The following VWA5B2 variants were observed in gnomAD, a reference collection of about 807,000 sequenced individuals.
VWA5B2 encodes the protein von Willebrand factor A domain-containing protein 5B2.
VWA5B2 carries 93 observed loss-of-function variants against 118.5 expected under a neutral mutation model. That is an observed-to-expected ratio of 0.79 (90% CI 0.66 to 0.93). VWA5B2 has a LOEUF of 0.93. Among genes scored for constraint, VWA5B2 ranks in the 40% least tolerant of loss-of-function variants. The probability of loss-of-function intolerance (pLI) is 0.00; values close to 1 mark genes in which losing one functional copy is unlikely to be tolerated. For missense variants in VWA5B2, 1,546 were observed against 1,672.8 expected, an observed-to-expected ratio of 0.92 and a Z score of 1.32; for synonymous variants, 708 against 716.3, an observed-to-expected ratio of 0.99 and a Z score of 0.19.
intron 3 of VWA5B2, among the ~76,000 whole-genome samples, chr3:184,232,348 A>T (rs1319683991): frequency 6.6e-6 from 1 of 152,220 alleles, no homozygotes; most frequent in Non-Finnish European, 1.5e-5. Flanking sequence ...CACCGAGCTG[A>T]TATTTAAAAC....
rs766931453 is a variant in VWA5B2 at position 184,239,329 on chromosome 3, C to T, written c.2203-65C>T. 1.8e-5 allele frequency: 25 copies of T among 1,427,828 alleles called. No individual in the cohort carries two copies. The highest frequency in any genetic ancestry group is 1.6e-4 in the South Asian group (11 of 67,848). 88.4% of individuals were successfully genotyped at this position (1,427,828 alleles called of 1,614,324 possible). A position where few individuals can be genotyped will look rare whatever the true frequency, so the allele number is the denominator to read the frequency against. Reference sequence around the variant, plus strand: ...AGAAAAGGGGCATGGGCCAGCTGTGCACCCATGTATGATGGTCAAGGGTTC... The same window carrying T: ...AGAAAAGGGGCATGGGCCAGCTGTGTACCCATGTATGATGGTCAAGGGTTC... On this transcript the variant is annotated intron_variant, in intron 14 of 19. Coordinates refer to ENST00000691901, the MANE Select transcript of VWA5B2 (RefSeq NM_001390846.1). This position sits in a 1 kb window ranked among gnomAD's most constrained non-coding sequence, Gnocchi z 5.1.
chr3:184,236,594 C>G, intron 10 of VWA5B2, 43 bp downstream of exon 10: 1 of 1,547,016 alleles, frequency 6.5e-7, no homozygotes, highest in Non-Finnish European at 8.7e-7. Context: ...TGAGCCCCCA[C>G]AAGGGGCTCC....
Position 184,238,067 on chromosome 3 carries a change from A to G in VWA5B2, c.1720-236A>G, listed in dbSNP as rs1718186201. Among the ~76,000 whole-genome samples the G allele has an allele frequency of 6.6e-6, 1 of 151,988 alleles. No individual in the cohort carries two copies. The highest frequency in any genetic ancestry group is 1.5e-5 in the Non-Finnish European group (1 of 68,022). ...CCTTTTTGATCATGAGAGCTGCATA[A>G]CAGACTTTTTTTTTTGCCTGGCTGC... is the stretch of plus-strand genomic sequence containing the variant. On this transcript the variant is annotated intron_variant, in intron 12 of 19. Coordinates refer to ENST00000691901, the MANE Select transcript of VWA5B2 (RefSeq NM_001390846.1). The surrounding 1 kb of genome is among the most constrained non-coding windows in gnomAD (Gnocchi z 5.0).
intron 5 of VWA5B2, 132 bp from the exon 6 acceptor site, chr3:184,234,134 C>T: frequency 8.4e-7 from 1 of 1,191,938 alleles, no homozygotes; most frequent in East Asian, 2.6e-5. Flanking sequence ...GGCACATCCT[C>T]CCTCGTCCAT....
rs1296754127 is a variant in VWA5B2, at chr3:184,238,429, T to C, written c.1846T>C (p.Ser616Pro). The change falls in exon 13 of 20, where the codon TCA (serine) becomes CCA (proline). Residue 616 changes from serine to proline, a missense_variant. Ser to Pro is a moderately conservative substitution (Grantham distance 74). Coordinates refer to ENST00000691901, the MANE Select transcript of VWA5B2 (RefSeq NM_001390846.1). The surrounding 1 kb of genome is among the most constrained non-coding windows in gnomAD (Gnocchi z 5.0). ...TSEPLGTGTV[S>P]AELSSPWAAR... Reference sequence around the variant, plus strand: ...AGAGCCACTGGGAACAGGCACTGTCTCAGCAGAACTGTCCAGCCCATGGGC... The same window carrying C: ...AGAGCCACTGGGAACAGGCACTGTCCCAGCAGAACTGTCCAGCCCATGGGC... 9 of 1,550,170 alleles carry C rather than the reference T, an allele frequency of 5.8e-6. No homozygotes were observed. Among genetic ancestry groups the C allele is most frequent in the Non-Finnish European group, 7.0e-6 (8 of 1,146,434 alleles).
rs1300846413 is a variant in VWA5B2 at position 184,236,349 on chromosome 3, G to C, written c.1219G>C (p.Val407Leu). ...PESRPCSDDA[V>L]QLICESIETL... ...CTGTGCCTTCTCGCTCCAGGATGCT[G>C]TGCAGCTGATCTGCGAGAGCATTGA... Residue 407 changes from valine to leucine, a missense_variant, in exon 10 of 20, where the codon GTG becomes CTG. By Grantham distance (32) the Val-to-Leu change is conservative (BLOSUM62 1). Transcript: ENST00000691901. 2.6e-6 allele frequency: 4 copies of C among 1,547,682 alleles called. No homozygotes were observed. Among genetic ancestry groups the C allele is most frequent in the East Asian group, 4.9e-5 (2 of 40,790 alleles).
At chr3:184,231,218 C>T (rs1717369430) in intron 3 of VWA5B2, among the ~76,000 whole-genome samples, 1 of 152,176 alleles carries the variant, frequency 6.6e-6, no homozygotes, top group Admixed American at 6.5e-5. Flanking sequence ...CAAAGGGAGC[C>T]TTCTCCCCTG....
chr3:184,240,640 G>A, intron 16 of VWA5B2, 151 bp from the exon 17 acceptor site: 1 of 1,058,128 alleles, frequency 9.5e-7, no homozygotes, highest in South Asian at 1.7e-5. Flanking sequence ...TCAAAGTTGG[G>A]GAGTCTGAGC....
At position 184,233,113 on chromosome 3, in the gene VWA5B2, A is replaced by G. The variant is rs375297306; in HGVS notation, c.311-65A>G. On this transcript the variant is annotated intron_variant, in intron 3 of 19. Transcript: ENST00000691901. This position sits in a 1 kb window ranked among gnomAD's most constrained non-coding sequence, Gnocchi z 5.2. ...GCTCCCTGACCCAATGCCTGCTTCC[A>G]CATCTAGCTTCCTCCCTCTCCTCTG... is the stretch of plus-strand genomic sequence containing the variant. 6.4e-5 allele frequency: 92 copies of G among 1,446,140 alleles called. No homozygotes were observed. The East Asian group carries it at 1.5e-3, about 24-fold the overall frequency. The allele number at this position is 1,446,140 out of a possible 1,614,324, so 89.6% of individuals were successfully genotyped here.
rs1166635173 is a variant in VWA5B2, at chr3:184,230,496, G to A, written c.-33G>A. Reference sequence around the variant, plus strand: ...CCGTCACCCTGCGCCCAGCTTCCCCGGCCCGTTCCCGCAGGGCCGGCCTCC... The same window carrying A: ...CCGTCACCCTGCGCCCAGCTTCCCCAGCCCGTTCCCGCAGGGCCGGCCTCC... On this transcript the variant is annotated 5_prime_UTR_variant, in exon 2 of 20. Coordinates refer to ENST00000691901, the MANE Select transcript of VWA5B2 (RefSeq NM_001390846.1). 2.1e-6 allele frequency: 3 copies of A among 1,426,456 alleles called. No individual in the cohort carries two copies. Among genetic ancestry groups the A allele is most frequent in the Non-Finnish European group, 2.7e-6 (3 of 1,100,490 alleles). The allele number at this position is 1,426,456 out of a possible 1,614,324, so 88.4% of individuals were successfully genotyped here.
At chr3:184,234,041 T>A (rs767833076) in intron 5 of VWA5B2, among the ~76,000 whole-genome samples, 4 of 152,142 alleles carry the variant, frequency 2.6e-5, no homozygotes, top group Non-Finnish European at 4.4e-5. Context: ...GGGGGGTGAA[T>A]GCTAAATCAG....
chr3:184,237,517 C>T lies in VWA5B2; in HGVS notation c.1719+106C>T. ...CAAACCCTTTTTCCATTCTCTGTGC[C>T]TCTCTCTACCAAGCTTCTCTACTAT... is the stretch of plus-strand genomic sequence containing the variant. On this transcript the variant is annotated intron_variant, in intron 12 of 19. Transcript: ENST00000691901. The surrounding 1 kb of genome is among the most constrained non-coding windows in gnomAD (Gnocchi z 5.6). The T allele has an allele frequency of 8.2e-7, 1 of 1,222,582 alleles. No individual in the cohort carries two copies. Among genetic ancestry groups the T allele is most frequent in the South Asian group, 1.5e-5 (1 of 67,758 alleles). 75.7% of individuals were successfully genotyped at this position (1,222,582 alleles called of 1,614,324 possible).
At chr3:184,232,123 C>T (rs1412403344) in intron 3 of VWA5B2, among the ~76,000 whole-genome samples, 1 of 152,066 alleles carries the variant, frequency 6.6e-6, no homozygotes, top group Non-Finnish European at 1.5e-5. Flanking sequence ...CAGGCTTCTT[C>T]CTGTTATGGG....
Position 184,233,858 on chromosome 3 carries a change from CG to C in VWA5B2, c.688+127del. The C allele has an allele frequency of 2.2e-6, 3 of 1,336,462 alleles. No individual in the cohort carries two copies. Among genetic ancestry groups the C allele is most frequent in the Non-Finnish European group, 3.0e-6 (3 of 995,946 alleles). 82.8% of individuals were successfully genotyped at this position (1,336,462 alleles called of 1,614,324 possible). On this transcript the variant is annotated intron_variant, in intron 5 of 19. Coordinates refer to ENST00000691901, the MANE Select transcript of VWA5B2 (RefSeq NM_001390846.1). The surrounding 1 kb of genome is among the most constrained non-coding windows in gnomAD (Gnocchi z 5.2). ...ACAAAAAGACAGGGACCCCAGCCTC[CG>C]GAACATCTGGGTTAGTGGTGGGAGC...
In VWA5B2 at chr3:184,238,810, C is replaced by T. The variant is rs1560155753; in HGVS notation, c.2139C>T (p.Ala713=). 1.3e-6 allele frequency: 2 copies of T among 1,539,502 alleles called. No homozygotes were observed. The highest frequency in any genetic ancestry group is 1.8e-6 in the Non-Finnish European group (2 of 1,137,796). ...PPSQQGCRSL[A]WGEPAGSRSC... is the part of the protein sequence containing the mutation. Reference sequence around the variant, plus strand: ...CTCAGCAGGGCTGCCGCAGTCTGGCCTGGGGAGAACCTGCAGGCTCCCGCT... The same window carrying T: ...CTCAGCAGGGCTGCCGCAGTCTGGCTTGGGGAGAACCTGCAGGCTCCCGCT... Residue 713 remains alanine, a synonymous_variant, in exon 14 of 20, where the codon GCC becomes GCT. Transcript: ENST00000691901. The surrounding 1 kb of genome is among the most constrained non-coding windows in gnomAD (Gnocchi z 5.0).
chr3:184,236,074 C>T (rs1441939959), intron 8 of VWA5B2, 78 bp from the exon 9 acceptor site: 17 of 1,276,424 alleles, frequency 1.3e-5, no homozygotes, highest in East Asian at 1.3e-4. Context: ...GCCTGGATAA[C>T]GCAGTGATCT....
intron 1 of VWA5B2, among the ~76,000 whole-genome samples, chr3:184,229,940 C>T (rs530862989): frequency 6.6e-6 from 1 of 152,326 alleles, no homozygotes; most frequent in South Asian, 2.1e-4. Flanking sequence ...TTCTTCCCAC[C>T]CTTAACCCCT....
chr3:184,237,917 G>A lies in VWA5B2; in HGVS notation c.1720-386G>A, dbSNP rs541586913. ...ATGGAAATGAGGTTTTTCACAGGTG[G>A]TTGTCATCAGGGGTCATAAAGTGAG... On this transcript the variant is annotated intron_variant, in intron 12 of 19. Coordinates refer to ENST00000691901, the MANE Select transcript of VWA5B2 (RefSeq NM_001390846.1). The surrounding 1 kb of genome is among the most constrained non-coding windows in gnomAD (Gnocchi z 5.6). Among the ~76,000 whole-genome samples, 154 of 152,344 alleles carry A rather than the reference G, an allele frequency of 1.0e-3. No individual in the cohort carries two copies. The highest frequency in any genetic ancestry group is 2.0e-3 in the Admixed American group (30 of 15,304).
intron 16 of VWA5B2, chr3:184,240,386 T>TA: frequency 2.9e-6 from 1 of 341,926 alleles, no homozygotes; most frequent in Non-Finnish European, 5.3e-6. Context: ...GGAAAATACT[T>TA]AAAGTTCATT....
Sources: allele counts gnomAD v4.1 joint callset (sites outside exome capture counted in the v4.1 genomes callset), GRCh38; gene constraint gnomAD v4.1.1; non-coding constraint Gnocchi (gnomAD v3.1); transcripts MANE v1.5; gene names NCBI Gene and HGNC (gene_info 2026-07-23, HGNC 2026-07-21).